HDAC9: variants seen among roughly 807,000 people sequenced by gnomAD.
HDAC9 encodes histone deacetylase 9.
In HDAC9, 41 loss-of-function variants were observed where a neutral mutation model predicts 139.4. That is an observed-to-expected ratio of 0.29 (90% CI 0.23 to 0.38). HDAC9 has a LOEUF of 0.38. Among genes scored for constraint, HDAC9 ranks in the 10% least tolerant of loss-of-function variants. HDAC9 has a pLI of 1.00. For synonymous variants in HDAC9, 517 were observed against 476.2 expected (o/e 1.09, Z -1.12); for missense variants, 1,147 against 1,297.0 (o/e 0.88, Z 1.78).
intron 25 of HDAC9, among the ~76,000 whole-genome samples, chr7:18,986,996 A>G (rs907626995): frequency 1.3e-5 from 2 of 152,220 alleles, no homozygotes; most frequent in Non-Finnish European, 2.9e-5. Flanking sequence ...CTAGATATAC[A>G]ATCATGTCAT....
intron 6 of HDAC9, among the ~76,000 whole-genome samples, chr7:18,603,899 T>C (rs1834669873): frequency 6.6e-6 from 1 of 152,138 alleles, no homozygotes; most frequent in Non-Finnish European, 1.5e-5. Flanking sequence ...TGGGATAATT[T>C]GTGTTCTTTT....
chr7:18,767,837 A>G (rs1430219367), intron 16 of HDAC9, among the ~76,000 whole-genome samples: 3 of 152,202 alleles, frequency 2.0e-5, no homozygotes, highest in Non-Finnish European at 4.4e-5. Context: ...ACTAAGTGTT[A>G]TGTTAGAACA....
intron 17 of HDAC9, among the ~76,000 whole-genome samples, chr7:18,799,328 A>G (rs1793094459): frequency 6.6e-6 from 1 of 152,190 alleles, no homozygotes; most frequent in Admixed American, 6.5e-5. Context: ...TAGTTTTACC[A>G]TACTGTTTTG....
chr7:18,307,596 A>T (rs1799012956), intron 1 of HDAC9, among the ~76,000 whole-genome samples: 1 of 152,094 alleles, frequency 6.6e-6, no homozygotes, highest in Non-Finnish European at 1.5e-5. Flanking sequence ...TGAGGTCAGG[A>T]GTTGTGGGCC....
intron 1 of HDAC9, among the ~76,000 whole-genome samples, chr7:18,431,093 G>A (rs904634762): frequency 1.3e-5 from 2 of 151,552 alleles, no homozygotes; most frequent in African/African-American, 4.9e-5. Context: ...TTCCTACTCA[G>A]CCCATCCCAT....
At chr7:18,950,607 A>G (rs1423850214) in intron 23 of HDAC9, among the ~76,000 whole-genome samples, 1 of 152,040 alleles carries the variant, frequency 6.6e-6, no homozygotes, top group Non-Finnish European at 1.5e-5. Flanking sequence ...ATGGCTCACA[A>G]CAAAATAGAG....
At chr7:18,280,844 T>G (rs1485404326) in intron 2 of HDAC9, among the ~76,000 whole-genome samples, 4 of 151,598 alleles carry the variant, frequency 2.6e-5, no homozygotes, top group African/African-American at 7.3e-5. Flanking sequence ...TTGTTATGAC[T>G]TCTTCTTCCA....
intron 13 of HDAC9, among the ~76,000 whole-genome samples, chr7:18,736,816 C>A (rs1444523478): frequency 6.6e-6 from 1 of 152,168 alleles, no homozygotes; most frequent in Non-Finnish European, 1.5e-5. Flanking sequence ...ATGGTATCAG[C>A]TCCTCTTTGT....
intron 1 of HDAC9, among the ~76,000 whole-genome samples, chr7:18,466,031 A>C (rs113137759): frequency 6.6e-6 from 1 of 152,148 alleles, no homozygotes; most frequent in African/African-American, 2.4e-5. Context: ...CACATTGGCT[A>C]TGTTCTTTGC....
chr7:18,945,820 C>T (rs945087270), intron 23 of HDAC9, among the ~76,000 whole-genome samples: 10 of 151,662 alleles, frequency 6.6e-5, no homozygotes, highest in African/African-American at 1.7e-4. Flanking sequence ...GGGCGAATCA[C>T]GAGGTCAGAA....
At chr7:18,783,213 G>A (rs7779555) in intron 16 of HDAC9, among the ~76,000 whole-genome samples, 120,202 of 151,986 alleles carry the variant, frequency 0.79, 48,224 homozygotes, top group Non-Finnish European at 0.85. Flanking sequence ...AATTCCTAAA[G>A]CATTTCTAAT....
intron 2 of HDAC9, among the ~76,000 whole-genome samples, chr7:18,234,112 C>A (rs1427227251): frequency 1.3e-5 from 2 of 152,130 alleles, no homozygotes. Context: ...GTTGTGTGTA[C>A]AAAGCGAGAG....
At chr7:18,545,681 A>T (rs1212562167) in intron 2 of HDAC9, among the ~76,000 whole-genome samples, 1 of 152,210 alleles carries the variant, frequency 6.6e-6, no homozygotes. Context: ...AGGTGCGAGA[A>T]TGCCAAACAG....
At chr7:18,632,688 T>C (rs2128985285) in intron 7 of HDAC9, among the ~76,000 whole-genome samples, 1 of 152,162 alleles carries the variant, frequency 6.6e-6, no homozygotes, top group East Asian at 1.9e-4. Context: ...ATGGTGTGAG[T>C]TATCTCTGTC....
intron 1 of HDAC9, among the ~76,000 whole-genome samples, chr7:18,134,681 C>T (rs1025460477): frequency 1.3e-5 from 2 of 152,124 alleles, no homozygotes; most frequent in Non-Finnish European, 2.9e-5. Context: ...AGTTCTCACC[C>T]TCATCTCCAT....
At chr7:18,728,254 T>G (rs914527949) in intron 13 of HDAC9, among the ~76,000 whole-genome samples, 1 of 152,204 alleles carries the variant, frequency 6.6e-6, no homozygotes, top group African/African-American at 2.4e-5. Flanking sequence ...CTATGTATGT[T>G]ACTTTCATTT....
chr7:18,684,400 G>A (rs954396850), intron 12 of HDAC9, among the ~76,000 whole-genome samples: 4 of 151,926 alleles, frequency 2.6e-5, no homozygotes, highest in Non-Finnish European at 5.9e-5. Flanking sequence ...AGCACTTTGG[G>A]AGGACAAGGT....
chr7:18,161,917 G>A (rs1365155608), intron 1 of HDAC9, among the ~76,000 whole-genome samples: 2 of 152,052 alleles, frequency 1.3e-5, no homozygotes, highest in Non-Finnish European at 2.9e-5. Context: ...AATGATAATA[G>A]CAAACAAATT....
chr7:18,209,453 T>G (rs868535793), intron 2 of HDAC9, among the ~76,000 whole-genome samples: 4 of 152,192 alleles, frequency 2.6e-5, no homozygotes, highest in Non-Finnish European at 5.9e-5. Context: ...ACTTCTGACT[T>G]TTACTTAAGA....
Sources: gnomAD v4.1 joint callset for allele counts (sites outside exome capture counted in the v4.1 genomes callset) on GRCh38, gnomAD v4.1.1 for gene constraint, MANE v1.5 for transcripts, NCBI Gene and HGNC (gene_info 2026-07-23, HGNC 2026-07-21) for gene names.